RELN: variants seen among roughly 807,000 people sequenced by gnomAD.
RELN encodes reelin.
In RELN, 108 loss-of-function variants were observed where a neutral mutation model predicts 427.6. That is an observed-to-expected ratio of 0.25 (90% CI 0.22 to 0.30). The LOEUF is 0.30. RELN is among the 10% of genes least tolerant of loss of function. The pLI is 1.00. For synonymous variants in RELN, 1,524 were observed against 1,513.4 expected, an observed-to-expected ratio of 1.01 and a Z score of -0.16; for missense variants, 3,715 against 4,302.8, an observed-to-expected ratio of 0.86 and a Z score of 3.82.
chr7:103,761,538 A>C (rs1627052), intron 4 of RELN, among the ~76,000 whole-genome samples: 5 of 151,816 alleles, frequency 3.3e-5, no homozygotes, highest in Non-Finnish European at 7.4e-5. Context: ...CTGCAATCTC[A>C]ACCTCCTAGG....
chr7:103,713,300 G>A (rs1176440611), intron 8 of RELN, among the ~76,000 whole-genome samples: 1 of 152,140 alleles, frequency 6.6e-6, no homozygotes, highest in African/African-American at 2.4e-5. Flanking sequence ...ATTTGGTATA[G>A]AAAGATCATA....
At chr7:103,975,223 T>C (rs1397313164) in intron 1 of RELN, among the ~76,000 whole-genome samples, 2 of 152,204 alleles carry the variant, frequency 1.3e-5, no homozygotes, top group Non-Finnish European at 2.9e-5. Context: ...GACAACAATT[T>C]TAACTATATC....
At chr7:103,836,256 G>A (rs146424652) in intron 2 of RELN, among the ~76,000 whole-genome samples, 7 of 152,194 alleles carry the variant, frequency 4.6e-5, no homozygotes, top group Non-Finnish European at 8.8e-5. Context: ...CACCGCACCC[G>A]GCCTACCTCA....
chr7:103,789,529 A>T (rs1420994075), intron 3 of RELN, among the ~76,000 whole-genome samples: 1 of 152,164 alleles, frequency 6.6e-6, no homozygotes, highest in Non-Finnish European at 1.5e-5. Flanking sequence ...GAAGGATATG[A>T]ACAGACACTT....
At chr7:103,967,398 A>G (rs1207336758) in intron 1 of RELN, among the ~76,000 whole-genome samples, 2 of 152,056 alleles carry the variant, frequency 1.3e-5, no homozygotes, top group African/African-American at 2.4e-5. Context: ...GGGGCTTTCC[A>G]TGATGAAGTA....
At chr7:103,848,077 A>G (rs868450569) in intron 2 of RELN, among the ~76,000 whole-genome samples, 1 of 152,214 alleles carries the variant, frequency 6.6e-6, no homozygotes, top group African/African-American at 2.4e-5. Context: ...AGGTCAGCCA[A>G]TCTGGAGGTA....
intron 1 of RELN, among the ~76,000 whole-genome samples, chr7:103,986,980 T>C (rs1419214560): frequency 6.7e-6 from 1 of 149,666 alleles, no homozygotes; most frequent in Non-Finnish European, 1.5e-5. Context: ...GTGTCTGAAT[T>C]TTTTAAATTA....
intron 2 of RELN, among the ~76,000 whole-genome samples, chr7:103,907,231 C>T (rs538509725): frequency 3.4e-4 from 52 of 151,428 alleles, no homozygotes; most frequent in Non-Finnish European, 6.5e-4. Flanking sequence ...TCCTGGACAA[C>T]GTGGTGAAAC....
intron 4 of RELN, among the ~76,000 whole-genome samples, chr7:103,766,311 T>G (rs907805681): frequency 7.2e-5 from 11 of 152,200 alleles, no homozygotes; most frequent in Non-Finnish European, 1.3e-4. Flanking sequence ...TGCTTAACAC[T>G]GGGCACATTC....
At chr7:103,799,943 G>T (rs1263597016) in intron 3 of RELN, among the ~76,000 whole-genome samples, 1 of 151,332 alleles carries the variant, frequency 6.6e-6, no homozygotes, top group Non-Finnish European at 1.5e-5. Context: ...AATAGATGCA[G>T]AAAAGGGCTT....
chr7:103,643,713 T>C (rs146493730), intron 16 of RELN, among the ~76,000 whole-genome samples: 299 of 152,148 alleles, frequency 2.0e-3, no homozygotes, highest in African/African-American at 6.9e-3. Flanking sequence ...AGAAACCTTA[T>C]AAGCCAGAAG....
chr7:103,567,954 G>T (rs1460819330), intron 31 of RELN, among the ~76,000 whole-genome samples: 1 of 151,760 alleles, frequency 6.6e-6, no homozygotes, highest in Non-Finnish European at 1.5e-5. Flanking sequence ...GTGCCACCTC[G>T]CTCGGCTAAT....
At chr7:103,835,183 G>T (rs921111896) in intron 2 of RELN, among the ~76,000 whole-genome samples, 2 of 152,166 alleles carry the variant, frequency 1.3e-5, no homozygotes, top group Non-Finnish European at 2.9e-5. Context: ...CCAAGTGAAA[G>T]AATCTAATCT....
At chr7:103,624,727 C>A (rs1367648973) in intron 20 of RELN, among the ~76,000 whole-genome samples, 2 of 152,180 alleles carry the variant, frequency 1.3e-5, no homozygotes, top group Non-Finnish European at 2.9e-5. Context: ...CTGGCCTCCT[C>A]ATGCCTTTTG....
chr7:103,500,385 C>T (rs1008083247), intron 53 of RELN, among the ~76,000 whole-genome samples: 44 of 150,888 alleles, frequency 2.9e-4, no homozygotes, highest in African/African-American at 1.1e-3. Flanking sequence ...TATTTCATAA[C>T]AATAATAACA....
At chr7:103,761,759 T>C (rs940179755) in intron 4 of RELN, among the ~76,000 whole-genome samples, 1 of 152,176 alleles carries the variant, frequency 6.6e-6, no homozygotes, top group African/African-American at 2.4e-5. Flanking sequence ...CCTGGCCAAA[T>C]TTTAATTTTT....
intron 2 of RELN, among the ~76,000 whole-genome samples, chr7:103,880,901 G>C (rs1487498575): frequency 6.6e-6 from 1 of 152,054 alleles, no homozygotes; most frequent in African/African-American, 2.4e-5. Context: ...TCACCATGTT[G>C]TCCAGGCTGG....
At chr7:103,922,979 G>A (rs1448599788) in intron 1 of RELN, among the ~76,000 whole-genome samples, 1 of 151,610 alleles carries the variant, frequency 6.6e-6, no homozygotes, top group Admixed American at 6.6e-5. Flanking sequence ...CAAAAAAATT[G>A]AAATTAGGTA....
At chr7:103,644,809 TC>T (rs1324567098) in intron 16 of RELN, among the ~76,000 whole-genome samples, 1 of 151,658 alleles carries the variant, frequency 6.6e-6, no homozygotes, top group Non-Finnish European at 1.5e-5. Context: ...TGTAAGGATG[TC>T]ACCAAGTTAT....
Sources: gnomAD v4.1 joint callset for allele counts (sites outside exome capture counted in the v4.1 genomes callset) on GRCh38, gnomAD v4.1.1 for gene constraint, MANE v1.5 for transcripts, NCBI Gene and HGNC (gene_info 2026-07-23, HGNC 2026-07-21) for gene names.